Variants in RARB observed in about 807,000 individuals in gnomAD.
RARB encodes the protein HBV-activated protein.
RARB carries 17 observed loss-of-function variants against 51.9 expected under a neutral mutation model. The observed-to-expected ratio is 0.33, with a 90% CI of 0.22 to 0.49. The LOEUF (loss-of-function observed/expected upper bound fraction) is 0.49, where lower values mean the gene tolerates loss of function less well. RARB is among the 20% of genes least tolerant of loss of function. RARB has a pLI of 0.99. For synonymous variants in RARB, 215 were observed against 195.4 expected (o/e 1.10, Z -0.84); for missense variants, 369 against 550.8 (o/e 0.67, Z 3.30).
chr3:24,864,341 T>G (rs1407724676), intron 2 of RARB, among the ~76,000 whole-genome samples: 2 of 152,212 alleles, frequency 1.3e-5, no homozygotes, highest in Admixed American at 6.5e-5. Context: ...TTCAGTGTTG[T>G]TCCTTTGCGT....
rs1559366440 is a variant in RARB, at chr3:24,832,628, A to ATATATATATATATATATATATATAT, written c.-459+3225_-459+3226insTATATATATATATATATATATATAT. 2.9e-3 allele frequency among the ~76,000 whole-genome samples: 257 copies of ATATATATATATATATATATATATAT among 88,384 alleles called. 3 individuals are homozygous for ATATATATATATATATATATATATAT. Among genetic ancestry groups the ATATATATATATATATATATATATAT allele is most frequent in the Middle Eastern group, 6.1e-3 (1 of 164 alleles). The allele number at this position is 88,384 out of a possible 152,430, so 58.0% of individuals were successfully genotyped here. ...CTGTATTTAGAAAAAATTGAGTCCC[A>ATATATATATATATATATATATATAT]ATATATATATATATATATATATAAT... On this transcript the variant is annotated intron_variant, in intron 1 of 11. Transcript: ENST00000383772.
At chr3:24,860,491 G>A (rs1702730382) in intron 2 of RARB, among the ~76,000 whole-genome samples, 1 of 152,042 alleles carries the variant, frequency 6.6e-6, no homozygotes, top group African/African-American at 2.4e-5. Context: ...CAAACACACG[G>A]CAAGAGTTGT....
intron 1 of RARB, among the ~76,000 whole-genome samples, chr3:25,442,425 C>T (rs1708740193): frequency 6.6e-6 from 1 of 152,194 alleles, no homozygotes; most frequent in Non-Finnish European, 1.5e-5. Context: ...TGAGCCACCA[C>T]ACCTGGCCAA....
At chr3:24,897,833 C>G (rs1008337402) in intron 2 of RARB, among the ~76,000 whole-genome samples, 2 of 151,526 alleles carry the variant, frequency 1.3e-5, no homozygotes, top group Non-Finnish European at 2.9e-5. Context: ...TGCCGGACAT[C>G]TAAGAAACTT....
intron 5 of RARB, among the ~76,000 whole-genome samples, chr3:25,201,643 G>A (rs994271353): frequency 1.6e-4 from 24 of 152,106 alleles, no homozygotes; most frequent in Admixed American, 7.2e-4. Context: ...AGCATGAAGC[G>A]TTGTTGAGTT....
At chr3:24,895,903 T>C (rs1405816497) in intron 2 of RARB, among the ~76,000 whole-genome samples, 1 of 152,178 alleles carries the variant, frequency 6.6e-6, no homozygotes, top group African/African-American at 2.4e-5. Context: ...CAAACAGATA[T>C]TTGTACACTC....
intron 4 of RARB, among the ~76,000 whole-genome samples, chr3:25,167,279 C>G (rs1575191665): frequency 6.6e-6 from 1 of 152,194 alleles, no homozygotes; most frequent in Non-Finnish European, 1.5e-5. Flanking sequence ...AAGACGTGCA[C>G]TTTTTCCTGT....
intron 4 of RARB, among the ~76,000 whole-genome samples, chr3:25,155,197 AT>A (rs903374214): frequency 4.0e-5 from 6 of 151,336 alleles, no homozygotes; most frequent in African/African-American, 1.5e-4. Flanking sequence ...ATTTTTTAGC[AT>A]TTTTCTTCCA....
At chr3:25,329,846 G>T (rs988835809) in intron 5 of RARB, among the ~76,000 whole-genome samples, 1 of 152,122 alleles carries the variant, frequency 6.6e-6, no homozygotes, top group Non-Finnish European at 1.5e-5. Context: ...AAAAACCATG[G>T]CACGAGAACT....
chr3:25,205,417 G>A (rs917879077), intron 5 of RARB, among the ~76,000 whole-genome samples: 20 of 152,220 alleles, frequency 1.3e-4, no homozygotes, highest in East Asian at 3.9e-4. Flanking sequence ...CGTTCGGTGC[G>A]CTGCATCCAC....
At chr3:25,155,933 C>T (rs926402937) in intron 4 of RARB, among the ~76,000 whole-genome samples, 1 of 152,190 alleles carries the variant, frequency 6.6e-6, no homozygotes, top group Non-Finnish European at 1.5e-5. Flanking sequence ...AAACCCCCTC[C>T]ATTGAATTTC....
chr3:25,229,907 T>C (rs1168858200), intron 5 of RARB, among the ~76,000 whole-genome samples: 3 of 152,136 alleles, frequency 2.0e-5, no homozygotes, highest in Non-Finnish European at 2.9e-5. Flanking sequence ...ATCCTCTCTT[T>C]AGGTACACGC....
chr3:24,960,224 T>A (rs1362468165), intron 2 of RARB, among the ~76,000 whole-genome samples: 1 of 152,234 alleles, frequency 6.6e-6, no homozygotes, highest in East Asian at 1.9e-4. Flanking sequence ...AGGGCACACA[T>A]CTTTGAATAT....
At chr3:25,412,336 C>T (rs980145726) in intron 5 of RARB, among the ~76,000 whole-genome samples, 3 of 151,992 alleles carry the variant, frequency 2.0e-5, no homozygotes, top group African/African-American at 7.3e-5. Flanking sequence ...TTGCTATTAA[C>T]CAAGGGGGCC....
At chr3:24,839,559 T>C (rs1338719605) in intron 1 of RARB, among the ~76,000 whole-genome samples, 1 of 149,446 alleles carries the variant, frequency 6.7e-6, no homozygotes, top group African/African-American at 2.5e-5. Flanking sequence ...AATACAGAAG[T>C]TAGCTGGGTA....
At chr3:25,026,337 C>T (rs901043004) in intron 2 of RARB, among the ~76,000 whole-genome samples, 1 of 152,146 alleles carries the variant, frequency 6.6e-6, no homozygotes, top group African/African-American at 2.4e-5. Flanking sequence ...TTCTTAAAGT[C>T]TTCTATAAGT....
intron 3 of RARB, among the ~76,000 whole-genome samples, chr3:25,567,915 C>A (rs1259453129): frequency 2.0e-5 from 3 of 152,174 alleles, no homozygotes; most frequent in Admixed American, 1.3e-4. Context: ...TCACGGAGAG[C>A]CACCATGCCG....
chr3:24,970,696 A>G (rs918709029), intron 2 of RARB, among the ~76,000 whole-genome samples: 3 of 151,150 alleles, frequency 2.0e-5, no homozygotes, highest in South Asian at 2.1e-4. Flanking sequence ...TTTTAATTGG[A>G]AAAAAAAATA....
chr3:25,357,053 T>C (rs1705765009), intron 5 of RARB, among the ~76,000 whole-genome samples: 1 of 152,190 alleles, frequency 6.6e-6, no homozygotes, highest in African/African-American at 2.4e-5. Flanking sequence ...CTGGGTCAAA[T>C]GGTATTTCTA....
Sources: gnomAD v4.1 joint callset for allele counts (sites outside exome capture counted in the v4.1 genomes callset) on GRCh38, gnomAD v4.1.1 for gene constraint, MANE v1.5 for transcripts, NCBI Gene and HGNC (gene_info 2026-07-23, HGNC 2026-07-21) for gene names.